The following COBL variants were observed in gnomAD, a reference collection of about 807,000 sequenced individuals.
COBL encodes the protein protein cordon-bleu.
COBL carries 51 observed loss-of-function variants against 98.8 expected under a neutral mutation model. The ratio of observed to expected loss-of-function variants is 0.52; its 90% CI spans 0.41 to 0.65. The LOEUF is 0.65. Among genes scored for constraint, COBL ranks in the 30% least tolerant of loss-of-function variants. COBL has a pLI of 0.00. For missense variants in COBL, 1,617 were observed against 1,617.5 expected (o/e 1.00, Z 0.01); for synonymous variants, 634 against 651.7 (o/e 0.97, Z 0.41).
At chr7:51,159,375 A>AC (rs1415686655) in intron 5 of COBL, among the ~76,000 whole-genome samples, 1 of 151,964 alleles carries the variant, frequency 6.6e-6, no homozygotes, top group Admixed American at 6.6e-5. Context: ...GGCAAAGAGG[A>AC]CCCCAGGGTT....
At chr7:51,141,373 T>C (rs1429614142) in intron 5 of COBL, among the ~76,000 whole-genome samples, 2 of 152,118 alleles carry the variant, frequency 1.3e-5, no homozygotes, top group Non-Finnish European at 1.5e-5. Context: ...CTAAATGGGA[T>C]CAGATCCTCT....
At chr7:51,211,133 G>C (rs1276680042) in intron 2 of COBL, among the ~76,000 whole-genome samples, 1 of 152,238 alleles carries the variant, frequency 6.6e-6, no homozygotes, top group East Asian at 1.9e-4. Flanking sequence ...GCAAGTGGAA[G>C]AGGCTGCCTG....
At chr7:51,272,995 C>T (rs1464311596) in intron 1 of COBL, among the ~76,000 whole-genome samples, 2 of 151,924 alleles carry the variant, frequency 1.3e-5, no homozygotes, top group Non-Finnish European at 2.9e-5. Context: ...CAAAAACATC[C>T]TTCTCTTAAG....
intron 1 of COBL, among the ~76,000 whole-genome samples, chr7:51,301,565 T>A (rs1801969749): frequency 6.6e-6 from 1 of 152,230 alleles, no homozygotes; most frequent in Non-Finnish European, 1.5e-5. Flanking sequence ...CTCCGGGACT[T>A]CCCTCACACC....
intron 6 of COBL, among the ~76,000 whole-genome samples, chr7:51,093,722 C>A (rs1256979402): frequency 6.6e-6 from 1 of 151,978 alleles, no homozygotes; most frequent in Non-Finnish European, 1.5e-5. Context: ...AAGACCCTGT[C>A]ACTACAAAAA....
intron 6 of COBL, among the ~76,000 whole-genome samples, chr7:51,124,734 T>A (rs1798047167): frequency 6.6e-6 from 1 of 152,242 alleles, no homozygotes. Flanking sequence ...CAGTTCCTCA[T>A]GGAAACTATT....
chr7:51,108,375 A>G (rs1170959304), intron 6 of COBL, among the ~76,000 whole-genome samples: 1 of 152,018 alleles, frequency 6.6e-6, no homozygotes, highest in African/African-American at 2.4e-5. Flanking sequence ...TATGTGCTGG[A>G]CTGTGGAAAG....
chr7:51,055,020 G>A (rs898327200), intron 7 of COBL, among the ~76,000 whole-genome samples: 1 of 152,168 alleles, frequency 6.6e-6, no homozygotes, highest in Admixed American at 6.5e-5. Flanking sequence ...GGAGACAGGG[G>A]GTGCCTTTTA....
intron 4 of COBL, among the ~76,000 whole-genome samples, chr7:51,189,544 G>T (rs1055553500): frequency 6.6e-6 from 1 of 152,116 alleles, no homozygotes; most frequent in African/African-American, 2.4e-5. Context: ...TGAGGCAGGA[G>T]AATCACTTGA....
chr7:51,240,697 C>T (rs1427551008), intron 1 of COBL, among the ~76,000 whole-genome samples: 1 of 104,446 alleles, frequency 9.6e-6, no homozygotes, highest in African/African-American at 4.5e-5. Context: ...CAGGCACGCA[C>T]CACCACTCCT....
Position 51,272,948 on chromosome 7 carries a change from CCAACAACAACAACAACAACAA to C in COBL, c.41+43624_41+43644del, listed in dbSNP as rs202039697. On this transcript the variant is annotated intron_variant, in intron 1 of 12. Transcript: ENST00000265136. ...GCGTTTTCATCTATGGAACACAATA[CCAACAACAACAACAACAACAA>C]CAACAACAACAACAACAAAAACATC... is the stretch of plus-strand genomic sequence containing the variant. Among the ~76,000 whole-genome samples, 868 of 146,202 alleles carry C rather than the reference CCAACAACAACAACAACAACAA, an allele frequency of 5.9e-3. 6 individuals carry two copies. Among genetic ancestry groups the C allele is most frequent in the Non-Finnish European group, 7.8e-3 (530 of 67,666 alleles).
intron 5 of COBL, among the ~76,000 whole-genome samples, chr7:51,157,549 G>A (rs1225669870): frequency 6.6e-6 from 1 of 152,154 alleles, no homozygotes; most frequent in Non-Finnish European, 1.5e-5. Flanking sequence ...GCAAGTGGTT[G>A]GAGAGGCGAG....
chr7:51,148,161 C>T (rs113503921), intron 5 of COBL, among the ~76,000 whole-genome samples: 8,669 of 152,130 alleles, frequency 0.057, 667 homozygotes, highest in African/African-American at 0.17. Flanking sequence ...CCTAATTAGA[C>T]GGAGAGGAGA....
chr7:51,018,891 C>CAAAAAAAAAAAAAAAAAAA (rs11433270), intron 12 of COBL, among the ~76,000 whole-genome samples: 1 of 6,834 alleles, frequency 1.5e-4, no homozygotes, highest in East Asian at 4.2e-3. Context: ...AACTCCATCT[C>CAAAAAAAAAAAAAAAAAAA]AAAAAAAAAA....
chr7:51,073,310 G>C (rs1370241848), intron 7 of COBL: 23 of 682,266 alleles, frequency 3.4e-5, no homozygotes, highest in Non-Finnish European at 5.9e-5. Flanking sequence ...GAGACACTGG[G>C]AAAGGTCCGA....
At chr7:51,181,564 CCTT>C (rs1478816570) in intron 5 of COBL, among the ~76,000 whole-genome samples, 5 of 152,236 alleles carry the variant, frequency 3.3e-5, no homozygotes, top group African/African-American at 9.6e-5. Context: ...CCCTAAAAAA[CCTT>C]CTTGTAACTA....
At chr7:51,246,531 TCTGG>T (rs1796281099) in intron 1 of COBL, among the ~76,000 whole-genome samples, 1 of 152,196 alleles carries the variant, frequency 6.6e-6, no homozygotes, top group Non-Finnish European at 1.5e-5. Context: ...TCCCTGCTGG[TCTGG>T]CTGTCAGCCC....
chr7:51,277,120 G>T (rs1297785858), intron 1 of COBL, among the ~76,000 whole-genome samples: 7 of 152,188 alleles, frequency 4.6e-5, no homozygotes, highest in Non-Finnish European at 8.8e-5. Flanking sequence ...CCCAGAGCCA[G>T]GCCAGGGATG....
intron 7 of COBL, 148 bp from the exon 8 acceptor site, chr7:51,043,840 T>A: frequency 1.6e-6 from 1 of 641,976 alleles, no homozygotes; most frequent in Non-Finnish European, 2.7e-6. Flanking sequence ...CAAATACTGC[T>A]GAATACTCCT....
Sources: gnomAD v4.1 joint callset for allele counts (sites outside exome capture counted in the v4.1 genomes callset) on GRCh38, gnomAD v4.1.1 for gene constraint, MANE v1.5 for transcripts, NCBI Gene and HGNC (gene_info 2026-07-23, HGNC 2026-07-21) for gene names.